TMC4: variants seen among roughly 807,000 people sequenced by gnomAD.
The protein encoded by TMC4 is transmembrane channel like 4, also known as voltage-gated chloride channel TMC4.
Under a neutral mutation model 82.0 loss-of-function variants are expected in TMC4, and 70 were observed. That is an observed-to-expected ratio of 0.85 (90% CI 0.70 to 1.04). The LOEUF is 1.04. Among genes scored for constraint, TMC4 ranks in the 50% least tolerant of loss-of-function variants. The pLI, the probability that TMC4 is intolerant of heterozygous loss-of-function variation, is 0.00. For missense variants in TMC4, 879 were observed against 899.0 expected (o/e 0.98, Z 0.28); for synonymous variants, 446 against 406.0 (o/e 1.10, Z -1.18).
chr19:54,163,837 G>A lies in TMC4; in HGVS notation c.1164C>T (p.Tyr388=). Residue 388 remains tyrosine, a synonymous_variant, in exon 8 of 15, where the codon TAC becomes TAT. Transcript: ENST00000619895. ...ELPLLKLGVN[Y]LPSIFIAGVN... is the part of the protein sequence containing the mutation. ...CCCCAGCGATGAAGATGGACGGAAGGTAATTCACCCCAAGCTTCAGCAGTG... is the reference window on the plus strand; with the variant it reads ...CCCCAGCGATGAAGATGGACGGAAGATAATTCACCCCAAGCTTCAGCAGTG... 6.2e-7 allele frequency: 1 copy of A among 1,614,064 alleles called. No homozygotes were observed. The highest frequency in any genetic ancestry group is 2.2e-5 in the East Asian group (1 of 44,884).
chr19:54,162,126 G>C lies in TMC4; in HGVS notation c.1662C>G (p.Phe554Leu). ...CCTTCTTCAGGTAGAAAAGCAGCAGGAACTTGACCGTGTTAAGCAGGGGCA... is the reference window on the plus strand; with the variant it reads ...CCTTCTTCAGGTAGAAAAGCAGCAGCAACTTGACCGTGTTAAGCAGGGGCA... ...PLLPLLNTVK[F>L]LLLFYLKKLT... Residue 554 changes from phenylalanine (F) to leucine (L), a missense_variant, in exon 11 of 15, where the codon TTC becomes TTG. By Grantham distance (22) the Phe-to-Leu change is conservative. Coordinates refer to ENST00000619895, the MANE Select transcript of TMC4 (RefSeq NM_144686.4). 1 of 1,613,336 alleles carries C rather than the reference G, an allele frequency of 6.2e-7. No individual in the cohort carries two copies.
At position 54,168,494 on chromosome 19, in the gene TMC4, C is replaced by T. The variant is rs1285904573; in HGVS notation, c.629G>A (p.Gly210Asp). The change falls in exon 4 of 15, where the codon GGC (glycine) becomes GAC (aspartate). Residue 210 changes from glycine to aspartate, a missense_variant. Transcript: ENST00000619895. ...PCGSYNPHSQ[G>D]LVTFATQLFN... ...GAGCTGGGTGGCAAAGGTGACCAGG[C>T]CCTGGGAGTGGGGGTTATAGGAGCC... 1.3e-6 allele frequency: 2 copies of T among 1,547,240 alleles called. No homozygotes were observed. Among genetic ancestry groups the T allele is most frequent in the Non-Finnish European group, 8.7e-7 (1 of 1,145,582 alleles).
At chr19:54,162,491 G>C (rs762103383) in intron 10 of TMC4, among the ~76,000 whole-genome samples, 182 bp downstream of exon 10, 2 of 151,852 alleles carry the variant, frequency 1.3e-5, no homozygotes, top group Non-Finnish European at 2.9e-5. Flanking sequence ...CCGCCGTCGG[G>C]GCCAGAGGGA....
At chr19:54,164,253 GT>G (rs1326727183) in intron 7 of TMC4, among the ~76,000 whole-genome samples, 180 bp downstream of exon 7, 1 of 152,036 alleles carries the variant, frequency 6.6e-6, no homozygotes, top group Non-Finnish European at 1.5e-5. Flanking sequence ...GATTACAGGT[GT>G]AAGCCACCGC....
chr19:54,163,221 C>G, intron 8 of TMC4, 62 bp from the exon 9 acceptor site: 1 of 1,597,662 alleles, frequency 6.3e-7, no homozygotes, highest in Non-Finnish European at 8.5e-7. Context: ...CAGTTCCCTT[C>G]TCAGTGGAAC....
chr19:54,167,886 C>A (rs572437620), intron 5 of TMC4, among the ~76,000 whole-genome samples: 4 of 151,906 alleles, frequency 2.6e-5, no homozygotes, highest in Middle Eastern at 3.4e-3. Context: ...CATGGTGAAA[C>A]CCCATCTCTA....
Position 54,160,383 on chromosome 19 carries a change from A to G in TMC4, c.2053-9T>C. 1 of 1,553,040 alleles carries G rather than the reference A, an allele frequency of 6.4e-7. No individual in the cohort carries two copies. Among genetic ancestry groups the G allele is most frequent in the Non-Finnish European group, 8.7e-7 (1 of 1,147,528 alleles). ...ACTTTATTCTGCGCCTCCTGGGGCA[A>G]AGAGAGGTGGAGGTGAGACAATCCT... On this transcript the variant is annotated splice_polypyrimidine_tract_variant and intron_variant, in intron 14 of 14. Coordinates refer to ENST00000619895, the MANE Select transcript of TMC4 (RefSeq NM_144686.4).
chr19:54,163,000 C>A, intron 9 of TMC4, 33 bp downstream of exon 9: 1 of 1,614,094 alleles, frequency 6.2e-7, no homozygotes, highest in Non-Finnish European at 8.5e-7. Context: ...TTCAGGGACC[C>A]AAGAGTCCCA....
chr19:54,162,398 G>GC (rs1425941758), intron 10 of TMC4, 113 bp from the exon 11 acceptor site: 7 of 805,690 alleles, frequency 8.7e-6, no homozygotes, highest in African/African-American at 1.8e-5. Flanking sequence ...GTGGGGGGGG[G>GC]GGGGGCGGGA....
chr19:54,165,388 C>T (rs1450517411), intron 6 of TMC4, 31 bp downstream of exon 6: 1 of 1,571,692 alleles, frequency 6.4e-7, no homozygotes, highest in Non-Finnish European at 8.7e-7. Flanking sequence ...CTGGTCCCTA[C>T]CCAGTTGCAG....
intron 3 of TMC4, among the ~76,000 whole-genome samples, chr19:54,169,039 CTTTT>C (rs1364229317): frequency 3.1e-4 from 2 of 6,520 alleles, no homozygotes; most frequent in African/African-American, 1.9e-3. Context: ...CTTTTCTTTT[CTTTT>C]TTTTTTTTGA....
rs2075543692 is a variant in TMC4 at position 54,161,245 on chromosome 19, T to C, written c.1702A>G (p.Thr568Ala). 1 of 1,547,554 alleles carries C rather than the reference T, an allele frequency of 6.5e-7. No individual in the cohort carries two copies. Among genetic ancestry groups the C allele is most frequent in the African/African-American group, 1.4e-5 (1 of 71,172 alleles). Residue 568 changes from threonine to alanine, a missense_variant, in exon 12 of 15, where the codon ACC (threonine) becomes GCC (alanine). Transcript: ENST00000619895. ...AAGGTGCGGGCAGCCGGGGAGCAGG[T>C]GGAGAAGAGGGTAAGCTGGTGGGGG... ...FYLKKLTLFS[T>A]CSPAARTFRA...
Position 54,164,443 on chromosome 19 carries a change from C to T in TMC4, c.1104G>A (p.Val368=). 2 of 1,611,518 alleles carry T rather than the reference C, an allele frequency of 1.2e-6. No individual in the cohort carries two copies. Among genetic ancestry groups the T allele is most frequent in the East Asian group, 2.2e-5 (1 of 44,802 alleles). ...CCAAGACCGTCCGCACCTGCAGCTCCACGGTGCACCCCGTAGCCCAGTAGA... is the reference window on the plus strand; with the variant it reads ...CCAAGACCGTCCGCACCTGCAGCTCTACGGTGCACCCCGTAGCCCAGTAGA... ...YGVYWATGCT[V]ELQEMPLVQE... Residue 368 remains valine, a synonymous_variant, in exon 7 of 15, where the codon GTG becomes GTA. Transcript: ENST00000619895.
At position 54,168,994 on chromosome 19, in the gene TMC4, CTA is replaced by C. The variant is rs1221142542; in HGVS notation, c.443-316_443-315del. Reference sequence around the variant, plus strand: ...TCTTTCTCTCTCTCTCTCTCTCTCTCTATATATATATATATATTTTTTTTTTT... The same window carrying C: ...TCTTTCTCTCTCTCTCTCTCTCTCTCTATATATATATATATTTTTTTTTTT... On this transcript the variant is annotated intron_variant, in intron 3 of 14. Transcript: ENST00000619895. Among the ~76,000 whole-genome samples the C allele has an allele frequency of 7.7e-3, 58 of 7,498 alleles. 14 individuals are homozygous for C. Among genetic ancestry groups the C allele is most frequent in the Admixed American group, 0.013 (6 of 458 alleles). 4.9% of individuals were successfully genotyped at this position (7,498 alleles called of 152,430 possible).
In TMC4 at chr19:54,169,512, C is replaced by T. The variant is rs1342520798; in HGVS notation, c.442G>A (p.Gly148Ser). 1 of 1,612,092 alleles carries T rather than the reference C, an allele frequency of 6.2e-7. No homozygotes were observed. Among genetic ancestry groups the T allele is most frequent in the Non-Finnish European group, 8.5e-7 (1 of 1,179,586 alleles). Residue 148 changes from glycine to serine, a missense_variant and splice_region_variant, in exon 3 of 15, where the codon GGC becomes AGC. By Grantham distance (56) the Gly-to-Ser change is moderately conservative (BLOSUM62 0). Transcript: ENST00000619895. Reference sequence around the variant, plus strand: ...GGACACCACCCAAACCCCACCGCACCCCCGATCCTCTTCAGTGTCCACGCC... The same window carrying T: ...GGACACCACCCAAACCCCACCGCACTCCCGATCCTCTTCAGTGTCCACGCC... ...PWAWTLKRIG[G>S]QFGAGTESYF... is the part of the protein sequence containing the mutation.
Position 54,162,884 on chromosome 19 carries a change from G to A in TMC4, c.1405-114C>T, listed in dbSNP as rs1600556715. ...AGACCCTGTCAATACTTTCTCTGGG[G>A]GTCCTCGTTTTTCAAACTTTCATAC... is the stretch of plus-strand genomic sequence containing the variant. On this transcript the variant is annotated intron_variant, in intron 9 of 14. Transcript: ENST00000619895. 5 of 1,513,166 alleles carry A rather than the reference G, an allele frequency of 3.3e-6. No homozygotes were observed. In the East Asian group the frequency reaches 1.1e-4, roughly 34 times the overall value. 93.7% of individuals were successfully genotyped at this position (1,513,166 alleles called of 1,614,324 possible).
intron 2 of TMC4, among the ~76,000 whole-genome samples, chr19:54,169,936 CA>C (rs35772679): frequency 1.5e-3 from 214 of 138,998 alleles, no homozygotes; most frequent in Middle Eastern, 3.8e-3. Flanking sequence ...CTAAAAATAC[CA>C]AAAAAAAAAA....
At chr19:54,168,382 T>C in intron 4 of TMC4, 66 bp downstream of exon 4, 1 of 1,516,640 alleles carries the variant, frequency 6.6e-7, no homozygotes, top group Non-Finnish European at 8.9e-7. Context: ...GGGTTTGAGG[T>C]TCGTGTCATT....
At chr19:54,161,871 A>G (rs2075563725) in intron 11 of TMC4, among the ~76,000 whole-genome samples, 1 of 152,060 alleles carries the variant, frequency 6.6e-6, no homozygotes, top group African/African-American at 2.4e-5. Context: ...CCGAACCAGG[A>G]GTCTGAGCCC....
Sources: gnomAD v4.1 joint callset for allele counts (sites outside exome capture counted in the v4.1 genomes callset) on GRCh38, gnomAD v4.1.1 for gene constraint, MANE v1.5 for transcripts, NCBI Gene and HGNC (gene_info 2026-07-23, HGNC 2026-07-21) for gene names.